Variants in SPNS2 observed in about 807,000 individuals in gnomAD.
SPNS2 encodes the protein SPNS lysolipid transporter 2, sphingosine-1-phosphate.
Under a neutral mutation model 57.6 loss-of-function variants are expected in SPNS2, and 37 were observed. That is an observed-to-expected ratio of 0.64 (90% CI 0.49 to 0.85). The LOEUF is 0.85. Among genes scored for constraint, SPNS2 ranks in the 40% least tolerant of loss-of-function variants. SPNS2 has a pLI of 0.00. For missense variants in SPNS2, 831 were observed against 779.1 expected (o/e 1.07, Z -0.79); for synonymous variants, 440 against 346.9 (o/e 1.27, Z -2.98).
At position 4,538,215 on chromosome 17, in the gene SPNS2, C is replaced by G. The variant is rs952896221; in HGVS notation, c.*767C>G. ...GGTCTCTGGCAGGTGCACACCAGCC[C>G]AACTCTGCAGGGCTTCTCTCCCTGC... On this transcript the variant is annotated 3_prime_UTR_variant, in exon 13 of 13. Coordinates refer to ENST00000329078, the MANE Select transcript of SPNS2 (RefSeq NM_001124758.3). 1 of 222,822 alleles carries G rather than the reference C, an allele frequency of 4.5e-6. No homozygotes were observed. The highest frequency in any genetic ancestry group is 7.0e-5 in the South Asian group (1 of 14,388). 13.8% of individuals were successfully genotyped at this position (222,822 alleles called of 1,614,324 possible).
Position 4,533,075 on chromosome 17 carries a change from T to G in SPNS2, c.1034T>G (p.Val345Gly), listed in dbSNP as rs2144369047. 3 of 1,613,252 alleles carry G rather than the reference T, an allele frequency of 1.9e-6. No homozygotes were observed. Among genetic ancestry groups the G allele is most frequent in the Non-Finnish European group, 8.5e-7 (1 of 1,179,898 alleles). ...WIPLYLHRAQ[V>G]VQKTAETCNS... ...CCGCTCTACCTGCACCGCGCCCAAGTTGTGCAGAAGACAGCAGAGACGTGC... is the reference window on the plus strand; with the variant it reads ...CCGCTCTACCTGCACCGCGCCCAAGGTGTGCAGAAGACAGCAGAGACGTGC... Residue 345 changes from valine (V) to glycine (G), a missense_variant, in exon 7 of 13, where the codon GTT (valine) becomes GGT (glycine). By Grantham distance (109) the Val-to-Gly change is moderately radical (BLOSUM62 -3). Transcript: ENST00000329078.
At chr17:4,530,554 G>A (rs1442152667) in intron 3 of SPNS2, 78 bp from the exon 4 acceptor site, 1 of 1,528,652 alleles carries the variant, frequency 6.5e-7, no homozygotes, top group Non-Finnish European at 8.9e-7. Context: ...TGCAGGGGGA[G>A]GGAGCAAAGT....
intron 1 of SPNS2, among the ~76,000 whole-genome samples, chr17:4,502,852 G>A (rs1203241611): frequency 6.6e-6 from 1 of 152,074 alleles, no homozygotes; most frequent in Non-Finnish European, 1.5e-5. Context: ...GGACACCTTT[G>A]CAAGCCCCTC....
rs1296798238 is a variant in SPNS2, at chr17:4,499,589, G to A, written c.370+172G>A. 3 of 435,206 alleles carry A rather than the reference G, an allele frequency of 6.9e-6. No individual in the cohort carries two copies. Among genetic ancestry groups the A allele is most frequent in the Non-Finnish European group, 1.2e-5 (3 of 250,052 alleles). The allele number at this position is 435,206 out of a possible 1,614,324, so 27.0% of individuals were successfully genotyped here. Reference sequence around the variant, plus strand: ...ACAACTGGGCAAGGGATGCCTCCGTGCACCACGGGTACAATCCAGCTCCCC... The same window carrying A: ...ACAACTGGGCAAGGGATGCCTCCGTACACCACGGGTACAATCCAGCTCCCC... On this transcript the variant is annotated intron_variant, in intron 1 of 12. Transcript: ENST00000329078. The surrounding 1 kb of genome is among the most constrained non-coding windows in gnomAD (Gnocchi z 5.2).
At chr17:4,517,776 T>C (rs557181186) in intron 2 of SPNS2, among the ~76,000 whole-genome samples, 2 of 152,298 alleles carry the variant, frequency 1.3e-5, no homozygotes, top group Non-Finnish European at 2.9e-5. Flanking sequence ...GTGTGTTTAA[T>C]ATTCAAAGCT....
At chr17:4,507,971 A>G (rs1904725535) in intron 1 of SPNS2, among the ~76,000 whole-genome samples, 1 of 152,202 alleles carries the variant, frequency 6.6e-6, no homozygotes, top group Non-Finnish European at 1.5e-5. Flanking sequence ...GGAGGAGGCC[A>G]GAAGTCCTGG....
chr17:4,502,917 C>T (rs372529595), intron 1 of SPNS2, among the ~76,000 whole-genome samples: 4 of 152,182 alleles, frequency 2.6e-5, no homozygotes, highest in South Asian at 4.1e-4. Flanking sequence ...TCTGCCCCAG[C>T]GCCACCCGGT....
chr17:4,533,201 G>A, intron 7 of SPNS2, 42 bp from the exon 8 acceptor site: 1 of 1,581,452 alleles, frequency 6.3e-7, no homozygotes, highest in Non-Finnish European at 8.6e-7. Context: ...CCTTAGCCCT[G>A]AGCCGCCTCA....
chr17:4,499,258 C>CCCCCCGGCACCCCCGGCA lies in SPNS2; in HGVS notation c.220_237dup (p.Thr74_Gly79dup). On this transcript the variant is annotated inframe_insertion, in exon 1 of 13. Coordinates refer to ENST00000329078, the MANE Select transcript of SPNS2 (RefSeq NM_001124758.3). The surrounding 1 kb of genome is among the most constrained non-coding windows in gnomAD (Gnocchi z 5.2). ...CAGCGTAAGGCGGGCCCCGACCGGA[C>CCCCCCGGCACCCCCGGCA]CCCCCGGCACCCCCGGCACCCCCGG... The CCCCCCGGCACCCCCGGCA allele has an allele frequency of 6.8e-7, 1 of 1,461,486 alleles. No individual in the cohort carries two copies. Among genetic ancestry groups the CCCCCCGGCACCCCCGGCA allele is most frequent in the Non-Finnish European group, 9.0e-7 (1 of 1,112,460 alleles). 90.5% of individuals were successfully genotyped at this position (1,461,486 alleles called of 1,614,324 possible).
rs1256105514 is a variant in SPNS2 at position 4,537,636 on chromosome 17, G to T, written c.*188G>T. 12 of 456,642 alleles carry T rather than the reference G, an allele frequency of 2.6e-5. No individual in the cohort carries two copies. The highest frequency in any genetic ancestry group is 4.0e-5 in the African/African-American group (2 of 50,096). The allele number at this position is 456,642 out of a possible 1,614,324, so 28.3% of individuals were successfully genotyped here. On this transcript the variant is annotated 3_prime_UTR_variant, in exon 13 of 13. Coordinates refer to ENST00000329078, the MANE Select transcript of SPNS2 (RefSeq NM_001124758.3). The stretch of plus-strand genomic sequence containing the variant: ...AAGAGGCTGTGTCCTCAGTTACCCT[G>T]GAAGGATGTGTGTGTTGGAGCCACA...
At chr17:4,537,413 C>T (rs1905910054) in intron 12 of SPNS2, 40 bp from the exon 13 acceptor site, 1 of 425,552 alleles carries the variant, frequency 2.3e-6, no homozygotes, top group Non-Finnish European at 4.8e-6. Context: ...GGCACAGGCC[C>T]CACTAAGCCC....
At chr17:4,522,543 G>A (rs72830090) in intron 2 of SPNS2, among the ~76,000 whole-genome samples, 16,496 of 152,190 alleles carry the variant, frequency 0.11, 1,050 homozygotes, top group East Asian at 0.21. Context: ...TGGCCCTCTC[G>A]CCTCTCTTTC....
At chr17:4,523,628 C>T (rs913869257) in intron 2 of SPNS2, among the ~76,000 whole-genome samples, 2 of 152,002 alleles carry the variant, frequency 1.3e-5, no homozygotes, top group East Asian at 1.9e-4. Context: ...ATCAGCAGAG[C>T]GTGATGGTGT....
chr17:4,521,000 C>T (rs932914349), intron 2 of SPNS2, among the ~76,000 whole-genome samples: 12 of 152,152 alleles, frequency 7.9e-5, no homozygotes, highest in Admixed American at 6.5e-4. Flanking sequence ...TATATTTCAG[C>T]GTATATTCTT....
chr17:4,524,949 C>T (rs895330411), intron 2 of SPNS2, 108 bp from the exon 3 acceptor site: 2 of 1,501,646 alleles, frequency 1.3e-6, no homozygotes, highest in African/African-American at 2.8e-5. Flanking sequence ...GGGCTGCTTC[C>T]TTGGTCCCTT....
intron 1 of SPNS2, among the ~76,000 whole-genome samples, chr17:4,505,355 G>T (rs955007075): frequency 2.0e-5 from 3 of 152,182 alleles, no homozygotes; most frequent in East Asian, 1.9e-4. Context: ...CAGGTGAAGG[G>T]CCAGGCCCCT....
Position 4,538,493 on chromosome 17 carries a change from A to C in SPNS2, c.*1045A>C. The C allele has an allele frequency of 4.6e-6, 1 of 216,312 alleles. No individual in the cohort carries two copies. The highest frequency in any genetic ancestry group is 6.8e-5 in the South Asian group (1 of 14,746). The allele number at this position is 216,312 out of a possible 1,614,324, so 13.4% of individuals were successfully genotyped here. On this transcript the variant is annotated 3_prime_UTR_variant, in exon 13 of 13. Transcript: ENST00000329078. ...CCAGGGGGGGGCCAGGCCTTCGATC[A>C]CCCACCTCCCATCCATGCACACACC...
chr17:4,527,406 G>A (rs1905286074), intron 3 of SPNS2, among the ~76,000 whole-genome samples: 1 of 152,238 alleles, frequency 6.6e-6, no homozygotes, highest in Admixed American at 6.5e-5. Context: ...CAAATGAGTG[G>A]TTTGGGAAGA....
At chr17:4,517,202 G>C (rs1482023555) in intron 2 of SPNS2, among the ~76,000 whole-genome samples, 3 of 152,224 alleles carry the variant, frequency 2.0e-5, no homozygotes, top group East Asian at 3.9e-4. Flanking sequence ...CCCCTGCTCC[G>C]TACAGGCCTG....
Sources: allele counts gnomAD v4.1 joint callset (sites outside exome capture counted in the v4.1 genomes callset), GRCh38; gene constraint gnomAD v4.1.1; non-coding constraint Gnocchi (gnomAD v3.1); transcripts MANE v1.5; gene names NCBI Gene and HGNC (gene_info 2026-07-23, HGNC 2026-07-21).